Variants in PAK6 observed in about 807,000 individuals in gnomAD.
PAK6 encodes p21 (RAC1) activated kinase 6, also known as serine/threonine-protein kinase PAK 6.
PAK6 carries 33 observed loss-of-function variants against 60.8 expected under a neutral mutation model. The observed-to-expected ratio is 0.54, with a 90% CI of 0.41 to 0.73. The LOEUF is 0.73. Among genes scored for constraint, PAK6 ranks in the 30% least tolerant of loss-of-function variants. The probability of loss-of-function intolerance (pLI) is 0.00; values close to 1 mark genes in which losing one functional copy is unlikely to be tolerated. For synonymous variants in PAK6, 404 were observed against 378.5 expected, an observed-to-expected ratio of 1.07 and a Z score of -0.78; for missense variants, 845 against 904.1, an observed-to-expected ratio of 0.93 and a Z score of 0.84.
At chr15:40,273,250 G>A in intron 7 of PAK6, 96 bp from the exon 8 acceptor site, 1 of 1,426,110 alleles carries the variant, frequency 7.0e-7, no homozygotes, top group Non-Finnish European at 9.6e-7. Context: ...GGGAGCTGTG[G>A]GGCCTAGCAC....
intron 2 of PAK6, among the ~76,000 whole-genome samples, chr15:40,241,138 G>A (rs544464271): frequency 6.6e-6 from 1 of 152,336 alleles, no homozygotes; most frequent in Non-Finnish European, 1.5e-5. Flanking sequence ...TCAGGGAGCT[G>A]CCTGGCCAAG....
At chr15:40,275,985 G>C (rs1264879400) in exon 11 of PAK6, 3 of 1,613,592 alleles carry the variant, frequency 1.9e-6, no homozygotes, top group East Asian at 2.2e-5. Context: ...CCCCAAGAGA[G>C]AGCCACAGCC....
chr15:40,273,121 G>A (rs1387394362), intron 7 of PAK6, 122 bp downstream of exon 7: 2 of 1,338,020 alleles, frequency 1.5e-6, no homozygotes, highest in African/African-American at 1.5e-5. Flanking sequence ...CCTGCCTGCT[G>A]GGGTAACTGA....
chr15:40,269,560 C>T (rs1418826500), intron 5 of PAK6, among the ~76,000 whole-genome samples: 1 of 152,222 alleles, frequency 6.6e-6, no homozygotes, highest in Non-Finnish European at 1.5e-5. Context: ...TCCCCCTTTC[C>T]CTTTCTTGTG....
chr15:40,259,039 A>ATG (rs2038913119), intron 3 of PAK6: 1 of 144,416 alleles, frequency 6.9e-6, no homozygotes, highest in East Asian at 1.9e-4. Flanking sequence ...TTAGGCTCAC[A>ATG]TCACTTCTTT....
chr15:40,262,809 C>T (rs1041996523), intron 3 of PAK6, among the ~76,000 whole-genome samples: 1 of 152,218 alleles, frequency 6.6e-6, no homozygotes, highest in South Asian at 2.1e-4. Context: ...TTCACACACC[C>T]TAAACCCTAT....
chr15:40,273,361 G>C lies in PAK6; in HGVS notation c.1506G>C (p.Gln502His), dbSNP rs1420446928. Residue 502 changes from glutamine to histidine, a missense_variant, in exon 8 of 11, where the codon CAG becomes CAC. By Grantham distance (24) the Gln-to-His change is conservative. Transcript: ENST00000560346. Reference sequence around the variant, plus strand: ...TCCTGTCCAGGCTGAATGAGGAGCAGATTGCCACTGTGTGTGAGGCTGTGC... The same window carrying C: ...TCCTGTCCAGGCTGAATGAGGAGCACATTGCCACTGTGTGTGAGGCTGTGC... The C allele has an allele frequency of 1.2e-5, 20 of 1,613,804 alleles. No individual in the cohort carries two copies. In the South Asian group the frequency reaches 2.1e-4, roughly 17 times the overall value.
At chr15:40,243,901 T>C (rs1030092743) in intron 2 of PAK6, among the ~76,000 whole-genome samples, 5 of 152,220 alleles carry the variant, frequency 3.3e-5, no homozygotes, top group Admixed American at 1.3e-4. Flanking sequence ...TTTTTTCACA[T>C]GCTGGTCCTA....
intron 5 of PAK6, among the ~76,000 whole-genome samples, chr15:40,271,658 A>G (rs1488528622): frequency 1.3e-5 from 2 of 152,094 alleles, no homozygotes; most frequent in Admixed American, 1.3e-4. Context: ...CAGATTTGCA[A>G]ACTCCCTGCT....
intron 10 of PAK6, among the ~76,000 whole-genome samples, chr15:40,275,268 CTGT>C (rs1407089288): frequency 1.8e-5 from 1 of 56,650 alleles, no homozygotes; most frequent in Non-Finnish European, 3.9e-5. Context: ...TTGTTTGTTT[CTGT>C]TGTTGTTGGT....
In PAK6 at chr15:40,266,087, C is replaced by A. The variant is rs138761742; in HGVS notation, c.450C>A (p.Gly150=). The A allele has an allele frequency of 2.9e-5, 46 of 1,610,136 alleles. No homozygotes were observed. In the African/African-American group the frequency reaches 5.7e-4, roughly 20 times the overall value. Residue 150 remains glycine, a synonymous_variant, in exon 5 of 11, where the codon GGC becomes GGA. Transcript: ENST00000560346. ...GCCTCTACCTCAGCTGCAACGGGGG[C>A]ACACCAGCAGGCCACAAGCAGATGC...
At chr15:40,272,413 G>A (rs553217842) in exon 6 of PAK6, 1 of 1,613,592 alleles carries the variant, frequency 6.2e-7, no homozygotes, top group Admixed American at 1.7e-5. Context: ...TTCCCCAGCG[G>A]GATCCCCCCG....
chr15:40,242,436 G>A (rs921362080), intron 2 of PAK6, among the ~76,000 whole-genome samples: 1 of 152,206 alleles, frequency 6.6e-6, no homozygotes, highest in South Asian at 2.1e-4. Flanking sequence ...CCCAGGCTGC[G>A]GAAGCAGTGC....
chr15:40,254,867 A>C (rs1341588880), intron 3 of PAK6, among the ~76,000 whole-genome samples: 1 of 152,198 alleles, frequency 6.6e-6, no homozygotes, highest in Non-Finnish European at 1.5e-5. Flanking sequence ...TGTGGTGGGC[A>C]CTTTATAAGC....
At chr15:40,245,649 C>G (rs2038476396) in intron 2 of PAK6, 1 of 152,422 alleles carries the variant, frequency 6.6e-6, no homozygotes, top group South Asian at 2.1e-4. Flanking sequence ...CACATTCAAG[C>G]CAAAGGGAGT....
chr15:40,275,280 G>GTTTTTTTTTTTTTTTTTTTTTCTTTT (rs2039421037), intron 10 of PAK6, among the ~76,000 whole-genome samples: 1 of 56,486 alleles, frequency 1.8e-5, no homozygotes, highest in Admixed American at 2.8e-4. Flanking sequence ...GTTGTTGTTG[G>GTTTTTTTTTTTTTTTTTTTTTCTTTT]TTTTTTTTTT....
chr15:40,250,502 C>T (rs973712259), intron 2 of PAK6, among the ~76,000 whole-genome samples: 2 of 152,140 alleles, frequency 1.3e-5, no homozygotes, highest in Admixed American at 6.5e-5. Context: ...TCTAACTTGA[C>T]CTTCTGCCTC....
At chr15:40,275,951 C>T (rs369819404) in exon 11 of PAK6, 139 of 1,613,198 alleles carry the variant, frequency 8.6e-5, no homozygotes, top group Non-Finnish European at 1.2e-4. Context: ...GCGAGACTTC[C>T]TGGAGCGGAT....
At chr15:40,239,791 T>G (rs2038265347) in exon 1 of PAK6, 1 of 153,062 alleles carries the variant, frequency 6.5e-6, no homozygotes, top group Admixed American at 6.5e-5. Context: ...TGGCTTAGGC[T>G]GGCCTGGGCA....
Sources: gnomAD v4.1 joint callset for allele counts (sites outside exome capture counted in the v4.1 genomes callset) on GRCh38, gnomAD v4.1.1 for gene constraint, MANE v1.5 for transcripts, NCBI Gene and HGNC (gene_info 2026-07-23, HGNC 2026-07-21) for gene names.